RNF181: variants seen among roughly 807,000 people sequenced by gnomAD.
RNF181 encodes ring finger protein 181, also known as E3 ubiquitin-protein ligase RNF181.
Under a neutral mutation model 23.3 loss-of-function variants are expected in RNF181, and 25 were observed. The observed-to-expected ratio is 1.07, with a 90% CI of 0.78 to 1.50. RNF181 has a LOEUF of 1.50. RNF181 is among the 40% of genes most tolerant of loss of function. The pLI is 0.00. For missense variants in RNF181, 167 were observed against 191.1 expected, an observed-to-expected ratio of 0.87 and a Z score of 0.74; for synonymous variants, 62 against 70.9, an observed-to-expected ratio of 0.87 and a Z score of 0.63.
Position 85,596,853 on chromosome 2 carries a change from TGAG to T in RNF181, c.259_261del (p.Glu87del), listed in dbSNP as rs1002648958. 1.3e-5 allele frequency: 21 copies of T among 1,614,196 alleles called. No homozygotes were observed. The highest frequency in any genetic ancestry group is 1.6e-5 in the Non-Finnish European group (19 of 1,180,030). On this transcript the variant is annotated inframe_deletion, in exon 3 of 5. Transcript: ENST00000306368. ...AGTGCCCCGTGTGTCTTTTGGAATT[TGAG>T]GAGGAGGAGACTGCCATTGAGATGC...
intron 4 of RNF181, 40 bp downstream of exon 4, chr2:85,597,218 C>T: frequency 1.3e-6 from 2 of 1,548,594 alleles, no homozygotes; most frequent in Middle Eastern, 1.7e-4. Flanking sequence ...GTAATGGGCT[C>T]CCTGAGTCCT....
intron 2 of RNF181, 56 bp from the exon 3 acceptor site, chr2:85,596,766 G>A: frequency 6.2e-7 from 1 of 1,609,644 alleles, no homozygotes. Context: ...TTCAGGAGTG[G>A]GAGCTTGGGA....
At chr2:85,597,011 G>A (rs767009362) in intron 3 of RNF181, 80 bp downstream of exon 3, 5 of 1,613,984 alleles carry the variant, frequency 3.1e-6, no homozygotes, top group Admixed American at 3.3e-5. Context: ...ACTGCTGGGG[G>A]ATGGAAGAAG....
At chr2:85,596,400 A>G in intron 1 of RNF181, 119 bp from the exon 2 acceptor site, 1 of 1,046,358 alleles carries the variant, frequency 9.6e-7, no homozygotes, top group South Asian at 1.7e-5. Flanking sequence ...TCTACTAACT[A>G]CTAAGGGTAG....
rs769468102 is a variant in RNF181 at position 85,595,774 on chromosome 2, A to G, written c.11A>G (p.Tyr4Cys). 1.1e-5 allele frequency: 18 copies of G among 1,613,798 alleles called. No individual in the cohort carries two copies. The South Asian group carries it at 1.2e-4, about 11-fold the overall frequency. Reference protein sequence around the residue: MASYFDEHDCEPSD... With the variant: MASCFDEHDCEPSD... ...GAAGGCTGGGCAGCCATGGCGTCCT[A>G]TTTCGATGAACACGACTGCGAGCCG... Residue 4 changes from tyrosine to cysteine, a missense_variant, in exon 1 of 5, where the codon TAT (tyrosine) becomes TGT (cysteine). Physicochemically the swap from Tyr to Cys is radical, Grantham distance 194. Transcript: ENST00000306368.
Position 85,597,528 on chromosome 2 carries a change from C to T in RNF181, c.*24C>T, listed in dbSNP as rs1213244785. The T allele has an allele frequency of 9.3e-6, 15 of 1,613,168 alleles. No homozygotes were observed. Among genetic ancestry groups the T allele is most frequent in the Non-Finnish European group, 1.3e-5 (15 of 1,179,758 alleles). ...GAGGAGGTTGGGGCTGAGTGCTGGC[C>T]CTCTGCGTCTTCCTTATTAACCTTG... On this transcript the variant is annotated 3_prime_UTR_variant, in exon 5 of 5. Coordinates refer to ENST00000306368, the MANE Select transcript of RNF181 (RefSeq NM_016494.4).
At position 85,595,794 on chromosome 2, in the gene RNF181, G is replaced by A. The variant is rs767430246; in HGVS notation, c.31G>A (p.Glu11Lys). 2 of 1,613,996 alleles carry A rather than the reference G, an allele frequency of 1.2e-6. No individual in the cohort carries two copies. Among genetic ancestry groups the A allele is most frequent in the Admixed American group, 1.7e-5 (1 of 60,010 alleles). Residue 11 changes from glutamate (E) to lysine (K), a missense_variant, in exon 1 of 5, where the codon GAG (glutamate) becomes AAG (lysine). By Grantham distance (56) the Glu-to-Lys change is moderately conservative. Coordinates refer to ENST00000306368, the MANE Select transcript of RNF181 (RefSeq NM_016494.4). MASYFDEHDC[E>K]PSDPEQETRT... is the part of the protein sequence containing the mutation. ...GTCCTATTTCGATGAACACGACTGCGAGCCGTCGGACCCTGAGCAGGAGAC... is the reference window on the plus strand; with the variant it reads ...GTCCTATTTCGATGAACACGACTGCAAGCCGTCGGACCCTGAGCAGGAGAC...
intron 2 of RNF181, 66 bp downstream of exon 2, chr2:85,596,715 C>T (rs1476649670): frequency 6.2e-7 from 1 of 1,613,058 alleles, no homozygotes; most frequent in Non-Finnish European, 8.5e-7. Context: ...AGACTGTGGT[C>T]TGGTCCTTCA....
chr2:85,595,978 G>C (rs542494078), intron 1 of RNF181, 129 bp downstream of exon 1: 5 of 806,038 alleles, frequency 6.2e-6, no homozygotes, highest in South Asian at 1.6e-5. Flanking sequence ...GTGTTAGTAC[G>C]GGCGGCGAGA....
chr2:85,597,311 T>A, intron 4 of RNF181, 133 bp downstream of exon 4: 2 of 1,394,174 alleles, frequency 1.4e-6, no homozygotes, highest in Admixed American at 4.4e-5. Context: ...TTAGTGACTT[T>A]GATTTGTGGT....
rs148575905 is a variant in RNF181 at position 85,597,501 on chromosome 2, G to A, written c.459G>A (p.Thr153=). 118 of 1,613,716 alleles carry A rather than the reference G, an allele frequency of 7.3e-5. No homozygotes were observed. The African/African-American group carries it at 1.2e-3, about 16-fold the overall frequency. ...RLENLHGAMY[T] ...AGAACCTCCATGGAGCCATGTACACGTGAGGAGGTTGGGGCTGAGTGCTGG... is the reference window on the plus strand; with the variant it reads ...AGAACCTCCATGGAGCCATGTACACATGAGGAGGTTGGGGCTGAGTGCTGG... The change falls in exon 5 of 5, where the codon ACG becomes ACA. Residue 153 remains threonine (T), a synonymous_variant. Transcript: ENST00000306368.
At position 85,596,819 on chromosome 2, in the gene RNF181, AAG is replaced by A. The variant is rs1334006392; in HGVS notation, c.218_219del. On this transcript the variant is annotated splice_acceptor_variant, in intron 2 of 4. Transcript: ENST00000306368. LOFTEE classifies it high-confidence loss of function. ...CTCTCCTGATCAGCACTCCTTCCTA[AAG>A]AGCTCAAGTGCCCCGTGTGTCTTTT... 6.2e-7 allele frequency: 1 copy of A among 1,613,662 alleles called. No individual in the cohort carries two copies. The highest frequency in any genetic ancestry group is 1.3e-5 in the African/African-American group (1 of 74,680).
At chr2:85,596,975 G>A (rs956322373) in intron 3 of RNF181, 44 bp downstream of exon 3, 7 of 1,614,078 alleles carry the variant, frequency 4.3e-6, no homozygotes, top group Non-Finnish European at 5.9e-6. Context: ...CCTGGGCCCA[G>A]TACTCAAGCT....
intron 4 of RNF181, 129 bp downstream of exon 4, chr2:85,597,307 AC>A: frequency 2.2e-6 from 3 of 1,388,720 alleles, no homozygotes; most frequent in Non-Finnish European, 3.0e-6. Context: ...CTTCTTAGTG[AC>A]TTTGATTTGT....
chr2:85,596,830 T>G lies in RNF181; in HGVS notation c.226T>G (p.Cys76Gly). The G allele has an allele frequency of 6.2e-7, 1 of 1,614,156 alleles. No individual in the cohort carries two copies. The highest frequency in any genetic ancestry group is 1.1e-5 in the South Asian group (1 of 91,090). ...AGCACTCCTTCCTAAAGAGCTCAAG[T>G]GCCCCGTGTGTCTTTTGGAATTTGA... ...VIRGSQAELK[C>G]PVCLLEFEEE... The change falls in exon 3 of 5, where the codon TGC becomes GGC. Residue 76 changes from cysteine (C) to glycine (G), a missense_variant. By Grantham distance (159) the Cys-to-Gly change is radical (BLOSUM62 -3). Coordinates refer to ENST00000306368, the MANE Select transcript of RNF181 (RefSeq NM_016494.4).
At chr2:85,596,342 G>A (rs111475577) in intron 1 of RNF181, among the ~76,000 whole-genome samples, 177 bp from the exon 2 acceptor site, 1 of 149,306 alleles carries the variant, frequency 6.7e-6, no homozygotes, top group Non-Finnish European at 1.5e-5. Context: ...GGGGCGGTCT[G>A]ATAGCAGTTG....
intron 3 of RNF181, 47 bp from the exon 4 acceptor site, chr2:85,597,057 C>A: frequency 1.9e-6 from 3 of 1,614,134 alleles, no homozygotes; most frequent in Non-Finnish European, 2.5e-6. Context: ...TGGTTATCAG[C>A]TTATGAAGAT....
At chr2:85,595,903 G>C in intron 1 of RNF181, 54 bp downstream of exon 1, 1 of 1,517,960 alleles carries the variant, frequency 6.6e-7, no homozygotes. Flanking sequence ...CTGGGCTGGG[G>C]CTGGCTGGAG....
intron 1 of RNF181, 51 bp downstream of exon 1, chr2:85,595,900 G>C: frequency 6.5e-7 from 1 of 1,530,938 alleles, no homozygotes; most frequent in Non-Finnish European, 9.0e-7. Context: ...TTTCTGGGCT[G>C]GGGCTGGCTG....
Sources: allele counts gnomAD v4.1 joint callset (sites outside exome capture counted in the v4.1 genomes callset), GRCh38; gene constraint gnomAD v4.1.1; transcripts MANE v1.5; gene names NCBI Gene and HGNC (gene_info 2026-07-23, HGNC 2026-07-21).